The following CSMD3 variants were observed in gnomAD, a reference collection of about 807,000 sequenced individuals.
CSMD3 encodes the protein CUB and Sushi multiple domains 3, also known as CUB and sushi domain-containing protein 3.
A neutral mutation model predicts 435.2 loss-of-function variants in CSMD3; 177 were observed. The ratio of observed to expected loss-of-function variants is 0.41; its 90% CI spans 0.36 to 0.46. The LOEUF is 0.46. CSMD3 is among the 20% of genes least tolerant of loss of function. The pLI is 0.34. For synonymous variants in CSMD3, 1,656 were observed against 1,520.5 expected (o/e 1.09, Z -2.07); for missense variants, 4,265 against 4,504.6 (o/e 0.95, Z 1.52).
At chr8:112,470,359 T>C (rs1470819215) in intron 32 of CSMD3, among the ~76,000 whole-genome samples, 4 of 152,070 alleles carry the variant, frequency 2.6e-5, no homozygotes, top group Non-Finnish European at 4.4e-5. Context: ...TAAAGAAGAA[T>C]GTGTATATGT....
intron 3 of CSMD3, among the ~76,000 whole-genome samples, chr8:113,245,331 T>G (rs2093264567): frequency 6.6e-6 from 1 of 152,034 alleles, no homozygotes; most frequent in Admixed American, 6.6e-5. Context: ...ATCATTTTGT[T>G]CCCCTAGTAT....
intron 13 of CSMD3, among the ~76,000 whole-genome samples, chr8:112,693,162 T>C (rs962251899): frequency 1.3e-5 from 2 of 152,100 alleles, no homozygotes; most frequent in Non-Finnish European, 2.9e-5. Flanking sequence ...TGAATGCATG[T>C]ATTCCATTGG....
At chr8:113,367,996 C>T (rs1012534061) in intron 1 of CSMD3, among the ~76,000 whole-genome samples, 1 of 152,030 alleles carries the variant, frequency 6.6e-6, no homozygotes, top group Non-Finnish European at 1.5e-5. Flanking sequence ...AGTCCTATTG[C>T]TACCTGCTGA....
At chr8:112,820,163 T>C (rs2079488728) in intron 12 of CSMD3, among the ~76,000 whole-genome samples, 2 of 152,138 alleles carry the variant, frequency 1.3e-5, no homozygotes, top group African/African-American at 2.4e-5. Flanking sequence ...AAGGGTATCA[T>C]ATGTACTTAA....
chr8:112,682,499 T>C lies in CSMD3; in HGVS notation c.2620A>G (p.Thr874Ala), dbSNP rs759916208. ...FIKTQGTETI[T>A]CILMDGKVMW... ...ACTTTTCCATCCATAAGAATACATGTAATTGTTTCTGTTCCCTGGGTTTTA... is the reference window on the plus strand; with the variant it reads ...ACTTTTCCATCCATAAGAATACATGCAATTGTTTCTGTTCCCTGGGTTTTA... Residue 874 changes from threonine to alanine, a missense_variant, in exon 16 of 71, where the codon ACA (threonine) becomes GCA (alanine). Coordinates refer to ENST00000297405, the MANE Select transcript of CSMD3 (RefSeq NM_198123.2). The C allele has an allele frequency of 6.2e-7, 1 of 1,613,394 alleles. No homozygotes were observed. Among genetic ancestry groups the C allele is most frequent in the Non-Finnish European group, 8.5e-7 (1 of 1,179,786 alleles).
At chr8:112,794,899 T>A (rs2078789974) in intron 13 of CSMD3, among the ~76,000 whole-genome samples, 1 of 152,166 alleles carries the variant, frequency 6.6e-6, no homozygotes, top group African/African-American at 2.4e-5. Context: ...TTGAAAATTA[T>A]TGTGTATGAC....
At chr8:113,087,758 G>C (rs1364358844) in intron 5 of CSMD3, among the ~76,000 whole-genome samples, 3 of 152,118 alleles carry the variant, frequency 2.0e-5, no homozygotes, top group Non-Finnish European at 4.4e-5. Flanking sequence ...AAAAACCCTA[G>C]AAGAAAACCT....
intron 59 of CSMD3, among the ~76,000 whole-genome samples, chr8:112,269,523 C>G (rs1586601178): frequency 6.6e-6 from 1 of 152,134 alleles, no homozygotes; most frequent in African/African-American, 2.4e-5. Context: ...TCTTACTCTA[C>G]TTGGCAAGCC....
chr8:112,428,082 AT>A (rs1471163613), intron 32 of CSMD3, among the ~76,000 whole-genome samples: 1 of 152,198 alleles, frequency 6.6e-6, no homozygotes, highest in Non-Finnish European at 1.5e-5. Context: ...TCTAAAGTCT[AT>A]CTAGAATCCT....
intron 9 of CSMD3, among the ~76,000 whole-genome samples, chr8:112,938,007 C>T (rs1425872221): frequency 1.3e-5 from 2 of 152,150 alleles, no homozygotes; most frequent in African/African-American, 2.4e-5. Context: ...TTGGTTCATT[C>T]TTGCCATACC....
Position 112,636,807 on chromosome 8 carries a change from G to T in CSMD3, c.3715+10C>A. ...CACATACAAGCAAATGAAAGCAGCT[G>T]ACCACGTACCCACACACCTTGGCAG... On this transcript the variant is annotated intron_variant, in intron 22 of 70. Coordinates refer to ENST00000297405, the MANE Select transcript of CSMD3 (RefSeq NM_198123.2). 2 of 1,611,142 alleles carry T rather than the reference G, an allele frequency of 1.2e-6. No homozygotes were observed. Among genetic ancestry groups the T allele is most frequent in the South Asian group, 2.2e-5 (2 of 91,000 alleles).
chr8:113,168,931 G>A (rs1414855744), intron 4 of CSMD3, among the ~76,000 whole-genome samples: 1 of 152,080 alleles, frequency 6.6e-6, no homozygotes, highest in Non-Finnish European at 1.5e-5. Context: ...ATACAGAGCA[G>A]GGAACAAGCA....
intron 1 of CSMD3, among the ~76,000 whole-genome samples, chr8:113,424,539 T>C (rs769172636): frequency 6.6e-6 from 1 of 151,214 alleles, no homozygotes; most frequent in Non-Finnish European, 1.5e-5. Flanking sequence ...TGAATTTAAA[T>C]TGAAAGTATT....
At chr8:113,274,579 T>G (rs1017582426) in intron 3 of CSMD3, among the ~76,000 whole-genome samples, 2 of 152,080 alleles carry the variant, frequency 1.3e-5, no homozygotes, top group Admixed American at 1.3e-4. Context: ...TCTTTCATCA[T>G]AGACAGTTTG....
intron 13 of CSMD3, among the ~76,000 whole-genome samples, chr8:112,763,186 T>A (rs1184769711): frequency 1.3e-5 from 2 of 151,576 alleles, no homozygotes; most frequent in Non-Finnish European, 3.0e-5. Context: ...GTTAAAAAAA[T>A]AAAAATCTTT....
chr8:113,219,232 A>T (rs752206128), intron 3 of CSMD3, among the ~76,000 whole-genome samples: 1 of 151,412 alleles, frequency 6.6e-6, no homozygotes, highest in Non-Finnish European at 1.5e-5. Context: ...CTACCAGTCA[A>T]TTCAATCAGG....
intron 2 of CSMD3, among the ~76,000 whole-genome samples, chr8:113,299,106 C>T (rs1006913320): frequency 2.0e-5 from 3 of 152,062 alleles, no homozygotes; most frequent in Non-Finnish European, 4.4e-5. Context: ...TAGCCAAAAG[C>T]GTGCTCAACA....
intron 13 of CSMD3, among the ~76,000 whole-genome samples, chr8:112,761,995 A>G (rs1228291061): frequency 1.3e-5 from 2 of 152,038 alleles, no homozygotes; most frequent in East Asian, 3.9e-4. Flanking sequence ...AATATAATCT[A>G]TCATGCTTGA....
intron 5 of CSMD3, among the ~76,000 whole-genome samples, chr8:113,034,186 T>G (rs1318437000): frequency 6.6e-6 from 1 of 151,500 alleles, no homozygotes; most frequent in East Asian, 1.9e-4. Context: ...TTTATTGCAA[T>G]TCAATGTGAA....
Sources: allele counts gnomAD v4.1 joint callset (sites outside exome capture counted in the v4.1 genomes callset), GRCh38; gene constraint gnomAD v4.1.1; transcripts MANE v1.5; gene names NCBI Gene and HGNC (gene_info 2026-07-23, HGNC 2026-07-21).